The following ALDH1L1 variants were observed in gnomAD, a reference collection of about 807,000 sequenced individuals.
ALDH1L1 encodes the protein aldehyde dehydrogenase 1 family member L1.
In ALDH1L1, 68 loss-of-function variants were observed where a neutral mutation model predicts 101.1. The observed-to-expected ratio is 0.67, with a 90% CI of 0.55 to 0.82. ALDH1L1 has a LOEUF of 0.82. ALDH1L1 is among the 40% of genes least tolerant of loss of function. The pLI is 0.00. For missense variants in ALDH1L1, 1,087 were observed against 1,172.7 expected (o/e 0.93, Z 1.07); for synonymous variants, 486 against 470.8 (o/e 1.03, Z -0.42).
chr3:126,124,379 C>T lies in ALDH1L1; in HGVS notation c.1873G>A (p.Val625Ile), dbSNP rs760924764. 46 of 1,611,654 alleles carry T rather than the reference C, an allele frequency of 2.9e-5. No homozygotes were observed. Among genetic ancestry groups the T allele is most frequent in the South Asian group, 1.8e-4 (16 of 90,520 alleles). Residue 625 changes from valine (V) to isoleucine (I), a missense_variant, in exon 16 of 23, where the codon GTC becomes ATC. This residue lies in a region of ALDH1L1 where 442 missense variants were observed against 535.7 expected (regional missense o/e 0.83). Coordinates refer to ENST00000393434, the MANE Select transcript of ALDH1L1 (RefSeq NM_012190.4). ...KAGIPKGVVN[V>I]LPGSGSLVGQ... is the part of the protein sequence containing the mutation. ...TGGCTCTTACCAGATCCTGGGAGGA[C>T]GTTAACCACACCTTTGGGAATGCCG...
intron 1 of ALDH1L1, among the ~76,000 whole-genome samples, chr3:126,196,990 T>C (rs1312879374): frequency 8.2e-6 from 1 of 121,730 alleles, no homozygotes; most frequent in African/African-American, 3.0e-5. Context: ...TGCTGTGACA[T>C]GAACCCTAAA....
At chr3:126,164,470 C>A (rs1409873375) in intron 1 of ALDH1L1, among the ~76,000 whole-genome samples, 1 of 152,174 alleles carries the variant, frequency 6.6e-6, no homozygotes, top group Non-Finnish European at 1.5e-5. Flanking sequence ...TGAGAACGTG[C>A]AGTATCTGGT....
At chr3:126,148,004 C>A (rs1379295483) in intron 8 of ALDH1L1, among the ~76,000 whole-genome samples, 5 of 152,158 alleles carry the variant, frequency 3.3e-5, no homozygotes, top group Admixed American at 3.3e-4. Flanking sequence ...TCCTGTGTCA[C>A]CTCTTCCCCA....
intron 6 of ALDH1L1, 34 bp from the exon 7 acceptor site, chr3:126,153,615 T>C (rs765325322): frequency 1.3e-6 from 2 of 1,596,238 alleles, no homozygotes; most frequent in African/African-American, 2.7e-5. Flanking sequence ...AGATGGTGGG[T>C]GAGAAGAAGC....
rs1407259637 is a variant in ALDH1L1 at position 126,164,140 on chromosome 3, A to G, written c.-23-3138T>C. Among the ~76,000 whole-genome samples the G allele has an allele frequency of 4.6e-5, 7 of 152,076 alleles. No homozygotes were observed. In the East Asian group the frequency reaches 1.2e-3, roughly 25 times the overall value. ...AGTGAGACTATGTCTCAAAAAAAAA[A>G]GGCAAGGCAAGGCAAGGTAGGGCGG... On this transcript the variant is annotated intron_variant, in intron 1 of 22. Coordinates refer to ENST00000393434, the MANE Select transcript of ALDH1L1 (RefSeq NM_012190.4).
At chr3:126,117,314 C>A (rs62263531) in intron 17 of ALDH1L1, among the ~76,000 whole-genome samples, 1 of 151,312 alleles carries the variant, frequency 6.6e-6, no homozygotes, top group African/African-American at 2.4e-5. Flanking sequence ...TTATTTAACC[C>A]AACTAATCAA....
chr3:126,157,224 T>C, intron 4 of ALDH1L1, 119 bp downstream of exon 4: 1 of 1,295,842 alleles, frequency 7.7e-7, no homozygotes, highest in Non-Finnish European at 1.1e-6. Context: ...CTCCTCTCCC[T>C]CCAGAATCCT....
chr3:126,152,900 C>T (rs899747549), intron 7 of ALDH1L1: 3 of 194,154 alleles, frequency 1.5e-5, no homozygotes, highest in South Asian at 1.1e-4. Flanking sequence ...TTAAATTTAA[C>T]GCATATACAT....
intron 16 of ALDH1L1, among the ~76,000 whole-genome samples, chr3:126,121,212 C>T (rs1312807536): frequency 1.3e-5 from 2 of 152,262 alleles, no homozygotes; most frequent in East Asian, 1.9e-4. Flanking sequence ...ACCTTTTAGA[C>T]GGAGCATGGC....
chr3:126,110,164 T>C, intron 19 of ALDH1L1, 55 bp from the exon 20 acceptor site: 1 of 1,601,344 alleles, frequency 6.2e-7, no homozygotes, highest in Non-Finnish European at 8.5e-7. Context: ...TTTCTGACAA[T>C]GATCCTCACC....
chr3:126,180,710 G>A, upstream of ALDH1L1: 2 of 1,389,716 alleles, frequency 1.4e-6, no homozygotes, highest in Non-Finnish European at 9.3e-7. Context: ...GGAGCGCAGC[G>A]CACCCTCTCC....
intron 1 of ALDH1L1, among the ~76,000 whole-genome samples, chr3:126,166,355 T>A (rs1222855262): frequency 1.3e-5 from 2 of 152,220 alleles, no homozygotes; most frequent in Non-Finnish European, 2.9e-5. Context: ...TTCCTGCATA[T>A]AACTCAATCC....
intron 1 of ALDH1L1, among the ~76,000 whole-genome samples, chr3:126,194,685 G>T (rs535457126): frequency 1.3e-5 from 2 of 151,900 alleles, no homozygotes; most frequent in Non-Finnish European, 2.9e-5. Flanking sequence ...GAAAACTTCC[G>T]CAACTTGTTC....
chr3:126,158,967 T>C (rs1029242446), intron 2 of ALDH1L1, among the ~76,000 whole-genome samples: 1 of 152,138 alleles, frequency 6.6e-6, no homozygotes, highest in East Asian at 1.9e-4. Context: ...TCCGGCCCCC[T>C]CTACTGCTCA....
At chr3:126,168,287 C>A (rs2081206507) in intron 1 of ALDH1L1, among the ~76,000 whole-genome samples, 1 of 151,982 alleles carries the variant, frequency 6.6e-6, no homozygotes, top group Admixed American at 6.5e-5. Flanking sequence ...TCTTAAAATG[C>A]TAATCTACTC....
At chr3:126,185,211 C>G (rs975200793), upstream of ALDH1L1, among the ~76,000 whole-genome samples, 55 of 152,216 alleles carry the variant, frequency 3.6e-4, no homozygotes, top group Non-Finnish European at 8.8e-5. Flanking sequence ...CTGCCAGGTC[C>G]TCTCCAGCCC....
intron 6 of ALDH1L1, 100 bp from the exon 7 acceptor site, chr3:126,153,681 CA>C: frequency 1.4e-6 from 2 of 1,450,166 alleles, no homozygotes; most frequent in Non-Finnish European, 9.2e-7. Flanking sequence ...GGAGAGGGGC[CA>C]GGGGTAGCTG....
At chr3:126,123,402 C>T (rs761394278) in intron 16 of ALDH1L1, among the ~76,000 whole-genome samples, 23 of 151,866 alleles carry the variant, frequency 1.5e-4, no homozygotes, top group Non-Finnish European at 2.2e-4. Context: ...GGGTTACAAG[C>T]GCCTGCCACC....
intron 1 of ALDH1L1, among the ~76,000 whole-genome samples, chr3:126,190,174 A>C (rs1224531005): frequency 6.6e-6 from 1 of 152,212 alleles, no homozygotes; most frequent in Non-Finnish European, 1.5e-5. Context: ...GCAAACTATT[A>C]CAATAACATG....
Sources: allele counts gnomAD v4.1 joint callset (sites outside exome capture counted in the v4.1 genomes callset), GRCh38; gene constraint gnomAD v4.1.1; regional missense constraint gnomAD v4.1.1; transcripts MANE v1.5; gene names NCBI Gene and HGNC (gene_info 2026-07-23, HGNC 2026-07-21).